FGF12: variants seen among roughly 807,000 people sequenced by gnomAD.
The protein encoded by FGF12 is fibroblast growth factor 12B.
Under a neutral mutation model 23.6 loss-of-function variants are expected in FGF12, and 14 were observed. The ratio of observed to expected loss-of-function variants is 0.59; its 90% confidence interval spans 0.39 to 0.93. FGF12 has a LOEUF of 0.93. Among genes scored for constraint, FGF12 ranks in the 40% least tolerant of loss-of-function variants. The pLI is 0.00. For missense variants in FGF12, 175 were observed against 217.8 expected, an observed-to-expected ratio of 0.80 and a Z score of 1.24; for synonymous variants, 62 against 77.3, an observed-to-expected ratio of 0.80 and a Z score of 1.04.
At chr3:192,434,338 T>G (rs1169867456) in intron 2 of FGF12, among the ~76,000 whole-genome samples, 1 of 152,138 alleles carries the variant, frequency 6.6e-6, no homozygotes, top group Non-Finnish European at 1.5e-5. Flanking sequence ...TCAAGCTCTT[T>G]GTGGAATAAG....
chr3:192,279,426 A>G (rs2108637657), intron 4 of FGF12, among the ~76,000 whole-genome samples: 1 of 152,174 alleles, frequency 6.6e-6, no homozygotes, highest in Admixed American at 6.5e-5. Context: ...CATTTCACAT[A>G]TTTATTTCAT....
intron 4 of FGF12, among the ~76,000 whole-genome samples, chr3:192,284,714 G>C (rs1714349554): frequency 1.3e-5 from 2 of 151,988 alleles, no homozygotes; most frequent in Admixed American, 1.3e-4. Context: ...CAAATCTCAA[G>C]TTCCCAATTA....
chr3:192,499,429 C>T (rs1484432207), intron 2 of FGF12, among the ~76,000 whole-genome samples: 2 of 142,266 alleles, frequency 1.4e-5, no homozygotes, highest in Admixed American at 1.4e-4. Flanking sequence ...AGCTTACTGG[C>T]CCTCAATTTA....
At chr3:192,640,419 G>A (rs900984050) in intron 2 of FGF12, among the ~76,000 whole-genome samples, 2 of 152,132 alleles carry the variant, frequency 1.3e-5, no homozygotes, top group African/African-American at 4.8e-5. Flanking sequence ...CCGGGAGAAT[G>A]TTTTTCACAG....
intron 3 of FGF12, among the ~76,000 whole-genome samples, chr3:192,338,335 G>A (rs147023662): frequency 1.1e-3 from 171 of 151,972 alleles, no homozygotes; most frequent in African/African-American, 3.9e-3. Flanking sequence ...CACCTGTCTC[G>A]GCCTCCCCTT....
At chr3:192,703,919 G>A (rs1718384329) in intron 2 of FGF12, among the ~76,000 whole-genome samples, 1 of 152,110 alleles carries the variant, frequency 6.6e-6, no homozygotes, top group Non-Finnish European at 1.5e-5. Flanking sequence ...TGCCCAGGCT[G>A]GTCTCAAACT....
At chr3:192,311,593 C>T (rs1204696050) in intron 4 of FGF12, among the ~76,000 whole-genome samples, 1 of 152,122 alleles carries the variant, frequency 6.6e-6, no homozygotes, top group Non-Finnish European at 1.5e-5. Flanking sequence ...ATGAATAATG[C>T]TACTATGGGT....
At chr3:192,177,743 T>C (rs1423312529) in intron 4 of FGF12, among the ~76,000 whole-genome samples, 1 of 152,206 alleles carries the variant, frequency 6.6e-6, no homozygotes, top group Non-Finnish European at 1.5e-5. Flanking sequence ...ATATTCCTTG[T>C]TCTTGAAAAT....
intron 4 of FGF12, among the ~76,000 whole-genome samples, chr3:192,263,838 A>G (rs940071318): frequency 6.6e-6 from 1 of 152,140 alleles, no homozygotes; most frequent in African/African-American, 2.4e-5. Flanking sequence ...ATCAAATGGA[A>G]AGACACATTA....
chr3:192,533,432 A>C (rs927603483), intron 2 of FGF12, among the ~76,000 whole-genome samples: 2 of 152,142 alleles, frequency 1.3e-5, no homozygotes, highest in African/African-American at 2.4e-5. Context: ...CCTATAATGA[A>C]ATACATTGAT....
At chr3:192,238,828 A>T (rs996412976) in intron 4 of FGF12, 13 of 152,348 alleles carry the variant, frequency 8.5e-5, no homozygotes, top group African/African-American at 3.1e-4. Flanking sequence ...GGAGCACATT[A>T]TCAATGGCAA....
At chr3:192,727,002 G>C (rs1455542854) in intron 2 of FGF12, 179 bp downstream of exon 2, 1 of 702,186 alleles carries the variant, frequency 1.4e-6, no homozygotes, top group African/African-American at 1.8e-5. Flanking sequence ...CAAGCTGTGG[G>C]AGTTAAAAAG....
At chr3:192,434,366 A>G (rs1416370436) in intron 2 of FGF12, among the ~76,000 whole-genome samples, 1 of 152,176 alleles carries the variant, frequency 6.6e-6, no homozygotes, top group African/African-American at 2.4e-5. Flanking sequence ...AGGCATGGAA[A>G]GGTTACATAA....
At chr3:192,148,704 G>A (rs550857737) in intron 5 of FGF12, among the ~76,000 whole-genome samples, 1 of 152,264 alleles carries the variant, frequency 6.6e-6, no homozygotes, top group African/African-American at 2.4e-5. Context: ...TAAAGCCAGA[G>A]GTGTTCCATT....
chr3:192,593,672 T>A (rs889387987), intron 2 of FGF12, among the ~76,000 whole-genome samples: 1 of 151,880 alleles, frequency 6.6e-6, no homozygotes, highest in African/African-American at 2.4e-5. Context: ...CGAAAAACAA[T>A]CTCACAAGAA....
At chr3:192,446,460 AC>A (rs1357694608) in intron 2 of FGF12, among the ~76,000 whole-genome samples, 1 of 152,224 alleles carries the variant, frequency 6.6e-6, no homozygotes, top group African/African-American at 2.4e-5. Flanking sequence ...CTCGTTGAGC[AC>A]CAAGTTATGC....
At chr3:192,605,912 T>G (rs1029412479) in intron 2 of FGF12, among the ~76,000 whole-genome samples, 1 of 152,182 alleles carries the variant, frequency 6.6e-6, no homozygotes, top group African/African-American at 2.4e-5. Flanking sequence ...GCTTATAAAC[T>G]GTTGGTGGGA....
chr3:192,471,222 A>G (rs1169929114), intron 2 of FGF12, among the ~76,000 whole-genome samples: 3 of 152,282 alleles, frequency 2.0e-5, no homozygotes, highest in East Asian at 1.9e-4. Context: ...TTTTATTCAG[A>G]TGCAGTTTTC....
At chr3:192,699,969 C>A (rs1560198649) in intron 2 of FGF12, among the ~76,000 whole-genome samples, 1 of 152,100 alleles carries the variant, frequency 6.6e-6, no homozygotes, top group African/African-American at 2.4e-5. Flanking sequence ...CTGCAATTAC[C>A]CTTGCTGAAT....
Sources: allele counts gnomAD v4.1 joint callset (sites outside exome capture counted in the v4.1 genomes callset), GRCh38; gene constraint gnomAD v4.1.1; transcripts MANE v1.5; gene names NCBI Gene and HGNC (gene_info 2026-07-23, HGNC 2026-07-21).